Variants in ADGRB1 observed in about 807,000 individuals in gnomAD.
ADGRB1 encodes the protein adhesion G protein-coupled receptor B1, also known as brain-specific angiogenesis inhibitor 1.
A neutral mutation model predicts 175.7 loss-of-function variants in ADGRB1; 36 were observed. The ratio of observed to expected loss-of-function variants is 0.20; its 90% CI spans 0.16 to 0.27. The LOEUF (loss-of-function observed/expected upper bound fraction) is 0.27. ADGRB1 is among the 10% of genes least tolerant of loss of function. The pLI is 1.00. For missense variants in ADGRB1, 1,731 were observed against 2,255.3 expected (o/e 0.77, Z 4.71); for synonymous variants, 1,054 against 979.4 (o/e 1.08, Z -1.42).
intron 23 of ADGRB1, 77 bp downstream of exon 23, chr8:142,524,381 T>C: frequency 4.9e-6 from 7 of 1,423,176 alleles, no homozygotes; most frequent in Non-Finnish European, 6.6e-6. Context: ...CGGTGCTGTC[T>C]CATGCCCCAG....
chr8:142,515,877 G>A (rs948118918), intron 18 of ADGRB1, among the ~76,000 whole-genome samples: 2 of 152,228 alleles, frequency 1.3e-5, no homozygotes, highest in Non-Finnish European at 2.9e-5. Context: ...GTTTCCTGCC[G>A]GGCACGGCAT....
intron 25 of ADGRB1, 76 bp from the exon 26 acceptor site, chr8:142,536,911 T>TGCGGCTCATCTGATCTGGC (rs1844962398): frequency 2.3e-6 from 3 of 1,276,780 alleles, no homozygotes; most frequent in Non-Finnish European, 3.2e-6. Context: ...CCCCCACAGG[T>TGCGGCTCATCTGATCTGGC]GCTGCTCATC....
intron 1 of ADGRB1, among the ~76,000 whole-genome samples, chr8:142,451,573 G>A (rs1839352844): frequency 6.6e-6 from 1 of 152,088 alleles, no homozygotes; most frequent in South Asian, 2.1e-4. Context: ...CTTGTCGTTT[G>A]TGTTGGGGAG....
chr8:142,468,285 T>C (rs529177410), intron 2 of ADGRB1, among the ~76,000 whole-genome samples: 1 of 152,252 alleles, frequency 6.6e-6, no homozygotes, highest in East Asian at 1.9e-4. Context: ...GGTGTGAATG[T>C]ATGTATCCAG....
At chr8:142,516,633 C>T (rs1419727290) in intron 18 of ADGRB1, among the ~76,000 whole-genome samples, 2 of 114,350 alleles carry the variant, frequency 1.7e-5, no homozygotes, top group Admixed American at 9.4e-5. Context: ...TGCATGTGTG[C>T]GGGTCCCAGG....
chr8:142,464,238 C>T lies in ADGRB1; in HGVS notation c.40C>T (p.Leu14Phe). 1.5e-6 allele frequency: 2 copies of T among 1,336,422 alleles called. No homozygotes were observed. Among genetic ancestry groups the T allele is most frequent in the Non-Finnish European group, 1.9e-6 (2 of 1,052,090 alleles). The allele number at this position is 1,336,422 out of a possible 1,614,324, so 82.8% of individuals were successfully genotyped here. A position where few individuals can be genotyped will look rare whatever the true frequency, so the allele number is the denominator to read the frequency against. ...CGCCGCCCCGGGCCCCGTCTGGATC[C>T]TCGCCCCGCTGCTACTGCTGCTGCT... ...QAAAPGPVWI[L>F]APLLLLLLLL... Residue 14 changes from leucine (L) to phenylalanine (F), a missense_variant, in exon 2 of 31, where the codon CTC (leucine) becomes TTC (phenylalanine). Around this residue, in one of 8 missense-constraint regions of ADGRB1, gnomAD observed 383 missense variants for 383.1 expected, o/e 1.00. Coordinates refer to ENST00000517894, the MANE Select transcript of ADGRB1 (RefSeq NM_001702.3).
At chr8:142,533,502 C>T (rs747668740) in intron 25 of ADGRB1, 36 bp downstream of exon 25, 47 of 1,559,086 alleles carry the variant, frequency 3.0e-5, no homozygotes, top group Non-Finnish European at 3.8e-5. Flanking sequence ...CGGGCTCCTG[C>T]GGGGTCCTGG....
In ADGRB1 at chr8:142,492,430, G is replaced by A. The variant is rs1016146291; in HGVS notation, c.2675+1615G>A. The stretch of plus-strand genomic sequence containing the variant: ...TGGGCCGGGAAGGGAAGCTAGCAGG[G>A]TCTGGATGCGGGTGGGGAGGGGCCT... On this transcript the variant is annotated intron_variant, in intron 17 of 30. Coordinates refer to ENST00000517894, the MANE Select transcript of ADGRB1 (RefSeq NM_001702.3). This position sits in a 1 kb window ranked among gnomAD's most constrained non-coding sequence, Gnocchi z 4.4. Among the ~76,000 whole-genome samples, 1 of 152,190 alleles carries A rather than the reference G, an allele frequency of 6.6e-6. No homozygotes were observed. Among genetic ancestry groups the A allele is most frequent in the Non-Finnish European group, 1.5e-5 (1 of 68,038 alleles).
At chr8:142,512,788 C>T (rs1483251515) in intron 18 of ADGRB1, among the ~76,000 whole-genome samples, 1 of 152,222 alleles carries the variant, frequency 6.6e-6, no homozygotes, top group Non-Finnish European at 1.5e-5. Flanking sequence ...ACCAGGCTGA[C>T]CTCCAGAGTG....
At chr8:142,476,405 G>A (rs913921968) in intron 3 of ADGRB1, among the ~76,000 whole-genome samples, 180 bp from the exon 4 acceptor site, 1 of 152,192 alleles carries the variant, frequency 6.6e-6, no homozygotes, top group Non-Finnish European at 1.5e-5. Flanking sequence ...AGGACCCACA[G>A]GAAGGGTCCC....
chr8:142,502,420 ATGGTGGTGG>A (rs1563719070), intron 17 of ADGRB1, among the ~76,000 whole-genome samples: 1 of 2,134 alleles, frequency 4.7e-4, no homozygotes, highest in East Asian at 0.021. Context: ...GGTGGTGGTG[ATGGTGGTGG>A]TGGTGGTAGT....
intron 19 of ADGRB1, among the ~76,000 whole-genome samples, 163 bp downstream of exon 19, chr8:142,518,404 C>T (rs1363145582): frequency 3.5e-5 from 2 of 56,802 alleles, no homozygotes; most frequent in Non-Finnish European, 7.1e-5. Context: ...GCTGTGGCCC[C>T]TCCGAGGCCT....
rs1214053854 is a variant in ADGRB1 at position 142,464,700 on chromosome 8, G to C, written c.502G>C (p.Asp168His). 1 of 1,530,066 alleles carries C rather than the reference G, an allele frequency of 6.5e-7. No individual in the cohort carries two copies. Among genetic ancestry groups the C allele is most frequent in the South Asian group, 1.2e-5 (1 of 83,556 alleles). The allele number at this position is 1,530,066 out of a possible 1,614,324, so 94.8% of individuals were successfully genotyped here. The stretch of plus-strand genomic sequence containing the variant: ...GGCCGGGCCGCCGGGCCCCACCGAC[G>C]ACTTCTCCGTGGAGTACCTGGTGGT... ...PRAGPPGPTD[D>H]FSVEYLVVGN... The change falls in exon 2 of 31, where the codon GAC (aspartate) becomes CAC (histidine). Residue 168 changes from aspartate (D) to histidine (H), a missense_variant. By Grantham distance (81) the Asp-to-His change is moderately conservative. Coordinates refer to ENST00000517894, the MANE Select transcript of ADGRB1 (RefSeq NM_001702.3).
At position 142,459,951 on chromosome 8, in the gene ADGRB1, A is replaced by G. The variant is rs955594662; in HGVS notation, c.-219-4029A>G. ...CCACTCAGGCGCTGACGCCTCCTGGATGCCACCCTGGGTGCCAGGAGGGAT... is the reference window on the plus strand; with the variant it reads ...CCACTCAGGCGCTGACGCCTCCTGGGTGCCACCCTGGGTGCCAGGAGGGAT... On this transcript the variant is annotated intron_variant, in intron 1 of 30. Transcript: ENST00000517894. Among the ~76,000 whole-genome samples the G allele has an allele frequency of 2.9e-3, 447 of 152,278 alleles. 8 individuals carry two copies. Among genetic ancestry groups the G allele is most frequent in the Non-Finnish European group, 2.9e-3 (199 of 68,016 alleles).
chr8:142,510,287 G>T lies in ADGRB1; in HGVS notation c.2676-645G>T, dbSNP rs1023778822. ...CAGACCGCAGAGGGAAGTTTCCAGC[G>T]GCAAGCCTCCCCGCGGGGAAGGCTG... On this transcript the variant is annotated intron_variant, in intron 17 of 30. Transcript: ENST00000517894. This position sits in a 1 kb window ranked among gnomAD's most constrained non-coding sequence, Gnocchi z 6.3. Among the ~76,000 whole-genome samples, 2 of 152,028 alleles carry T rather than the reference G, an allele frequency of 1.3e-5. No homozygotes were observed. Among genetic ancestry groups the T allele is most frequent in the African/African-American group, 4.8e-5 (2 of 41,426 alleles).
At chr8:142,496,156 G>C (rs961342900) in intron 17 of ADGRB1, among the ~76,000 whole-genome samples, 1 of 151,652 alleles carries the variant, frequency 6.6e-6, no homozygotes, top group African/African-American at 2.4e-5. Flanking sequence ...TGGGTGGGTG[G>C]GTGGATGGGT....
Position 142,504,621 on chromosome 8 carries a change from TC to T in ADGRB1, c.2676-6309del, listed in dbSNP as rs1231843980. 6.6e-6 allele frequency among the ~76,000 whole-genome samples: 1 copy of T among 152,070 alleles called. No homozygotes were observed. Among genetic ancestry groups the T allele is most frequent in the Non-Finnish European group, 1.5e-5 (1 of 67,998 alleles). On this transcript the variant is annotated intron_variant, in intron 17 of 30. Coordinates refer to ENST00000517894, the MANE Select transcript of ADGRB1 (RefSeq NM_001702.3). This position sits in a 1 kb window ranked among gnomAD's most constrained non-coding sequence, Gnocchi z 5.6. ...GGAAGTCTGGTTATCCAGGTAGACT[TC>T]CTGGAGGAGGACACAATGCCAGTCT...
rs769272109 is a variant in ADGRB1, at chr8:142,489,437, A to ATGTGAGTGCCGTCCACGTGCACAC, written c.2631+1_2631+24dup. 1.2e-6 allele frequency: 2 copies of ATGTGAGTGCCGTCCACGTGCACAC among 1,612,288 alleles called. No homozygotes were observed. Among genetic ancestry groups the ATGTGAGTGCCGTCCACGTGCACAC allele is most frequent in the African/African-American group, 2.7e-5 (2 of 74,902 alleles). ...GAGATCGAGTTTGCCCACATGTATA[A>ATGTGAGTGCCGTCCACGTGCACAC]TGTGAGTGCCGTCCACGTGCACACT... On this transcript the variant is annotated inframe_insertion and splice_region_variant, in exon 16 of 31. Transcript: ENST00000517894.
chr8:142,526,255 G>C (rs930816525), intron 23 of ADGRB1, among the ~76,000 whole-genome samples: 3 of 152,180 alleles, frequency 2.0e-5, no homozygotes, highest in Admixed American at 2.0e-4. Flanking sequence ...AGGGGCCTCC[G>C]GGCCCTGTGG....
Sources: gnomAD v4.1 joint callset for allele counts (sites outside exome capture counted in the v4.1 genomes callset) on GRCh38, gnomAD v4.1.1 for gene constraint, gnomAD v4.1.1 regional missense constraint, Gnocchi (gnomAD v3.1) non-coding constraint, MANE v1.5 for transcripts, NCBI Gene and HGNC (gene_info 2026-07-23, HGNC 2026-07-21) for gene names.